Variants in ST6GAL1 observed in about 807,000 individuals in gnomAD.
ST6GAL1 encodes the protein beta-galactoside alpha-2,6-sialyltransferase 1.
A neutral mutation model predicts 38.0 loss-of-function variants in ST6GAL1; 20 were observed. The observed-to-expected ratio is 0.53, with a 90% confidence interval of 0.37 to 0.77. The LOEUF (loss-of-function observed/expected upper bound fraction) is 0.77, where lower values mean the gene tolerates loss of function less well. ST6GAL1 is among the 30% of genes least tolerant of loss of function. The pLI is 0.00. For synonymous variants in ST6GAL1, 196 were observed against 188.2 expected (o/e 1.04, Z -0.34); for missense variants, 432 against 496.4 (o/e 0.87, Z 1.23).
chr3:187,016,467 G>A (rs961805432), intron 2 of ST6GAL1, among the ~76,000 whole-genome samples: 20 of 152,184 alleles, frequency 1.3e-4, no homozygotes, highest in African/African-American at 4.8e-4. Context: ...TGCAGGATCT[G>A]AGAAGCTTCC....
chr3:187,022,831 G>C (rs556844621), intron 2 of ST6GAL1, among the ~76,000 whole-genome samples: 1 of 152,280 alleles, frequency 6.6e-6, no homozygotes, highest in African/African-American at 2.4e-5. Flanking sequence ...AGGTTGGAGA[G>C]TAAGCCACAT....
chr3:187,047,005 G>A (rs769799785), intron 4 of ST6GAL1, among the ~76,000 whole-genome samples: 28 of 152,284 alleles, frequency 1.8e-4, no homozygotes, highest in Middle Eastern at 6.8e-3. Context: ...GAGTGCAGTG[G>A]CATGATCTCG....
chr3:186,933,917 A>G (rs34180584), intron 1 of ST6GAL1, among the ~76,000 whole-genome samples: 33,810 of 152,170 alleles, frequency 0.22, 4,121 homozygotes, highest in Non-Finnish European at 0.29. Context: ...GAATAGTGCA[A>G]TTATCTCTGG....
intron 1 of ST6GAL1, among the ~76,000 whole-genome samples, chr3:186,934,746 T>TTTATTTA (rs1560133275): frequency 4.0e-5 from 6 of 150,296 alleles, no homozygotes; most frequent in Admixed American, 6.6e-5. Flanking sequence ...TTTTAAAAAA[T>TTTATTTA]TTTATTTATT....
At position 186,969,380 on chromosome 3, in the gene ST6GAL1, G is replaced by C. The variant is rs531637166; in HGVS notation, c.-183+5454G>C. On this transcript the variant is annotated intron_variant, in intron 2 of 7. Transcript: ENST00000169298. The stretch of plus-strand genomic sequence containing the variant: ...TCTTTTTCATTTTAATAGGTGTATG[G>C]TGATATCTCATTGTGTTTTTTTGTG... 2.6e-5 allele frequency among the ~76,000 whole-genome samples: 4 copies of C among 152,258 alleles called. No individual in the cohort carries two copies. In the East Asian group the frequency reaches 5.8e-4, roughly 22 times the overall value.
At chr3:186,980,603 C>CAAAAAAAAAAAAAA (rs34503745) in intron 2 of ST6GAL1, among the ~76,000 whole-genome samples, 1 of 92,170 alleles carries the variant, frequency 1.1e-5, no homozygotes, top group Non-Finnish European at 2.1e-5. Context: ...ACTAAAATTA[C>CAAAAAAAAAAAAAA]AAAAAAAAAA....
At chr3:187,023,916 A>T (rs138191286) in intron 2 of ST6GAL1, among the ~76,000 whole-genome samples, 1 of 151,582 alleles carries the variant, frequency 6.6e-6, no homozygotes, top group East Asian at 1.9e-4. Context: ...GAATGAACCT[A>T]TCGCATGAGT....
intron 2 of ST6GAL1, among the ~76,000 whole-genome samples, chr3:186,967,895 G>C (rs574683462): frequency 1.3e-5 from 2 of 152,214 alleles, no homozygotes; most frequent in Non-Finnish European, 1.5e-5. Flanking sequence ...CTGGGGAGCC[G>C]GCACAGCCCA....
chr3:186,932,919 C>G (rs986923607), intron 1 of ST6GAL1, among the ~76,000 whole-genome samples: 5 of 152,166 alleles, frequency 3.3e-5, no homozygotes, highest in African/African-American at 9.7e-5. Context: ...TGTTTCTTTT[C>G]CTTAGAGTTT....
intron 2 of ST6GAL1, among the ~76,000 whole-genome samples, chr3:187,016,236 C>T (rs1717111913): frequency 6.6e-6 from 1 of 152,216 alleles, no homozygotes; most frequent in Non-Finnish European, 1.5e-5. Context: ...CAAGCCCCCG[C>T]GGTGGATGCC....
intron 2 of ST6GAL1, among the ~76,000 whole-genome samples, chr3:187,011,212 C>A (rs4686832): frequency 6.6e-6 from 1 of 151,522 alleles, no homozygotes; most frequent in South Asian, 2.1e-4. Context: ...TTGGCCAGGC[C>A]GGTCTCGAAC....
chr3:186,936,976 C>T (rs1242415768), intron 1 of ST6GAL1, among the ~76,000 whole-genome samples: 3 of 148,560 alleles, frequency 2.0e-5, no homozygotes, highest in Admixed American at 6.7e-5. Context: ...AAAGCTTGAC[C>T]ATTGAGGATA....
In ST6GAL1 at chr3:186,990,921, C is replaced by T. The variant is rs541704388; in HGVS notation, c.-183+26995C>T. Among the ~76,000 whole-genome samples, 5 of 152,208 alleles carry T rather than the reference C, an allele frequency of 3.3e-5. No homozygotes were observed. The South Asian group carries it at 6.2e-4, about 19-fold the overall frequency. On this transcript the variant is annotated intron_variant, in intron 2 of 7. Coordinates refer to ENST00000169298, the MANE Select transcript of ST6GAL1 (RefSeq NM_173216.2). The stretch of plus-strand genomic sequence containing the variant: ...CTCCTCACTCCCTCTCATGCTTGTC[C>T]GCCTCCCCACCTCCTCCACCCCTGC...
chr3:187,065,922 A>C (rs2108598252), intron 5 of ST6GAL1, among the ~76,000 whole-genome samples: 1 of 152,298 alleles, frequency 6.6e-6, no homozygotes, highest in East Asian at 1.9e-4. Flanking sequence ...AGGCTCCCAG[A>C]GTTTAAGTTG....
intron 1 of ST6GAL1, among the ~76,000 whole-genome samples, chr3:186,945,391 G>A (rs966019160): frequency 6.6e-6 from 1 of 151,954 alleles, no homozygotes; most frequent in Non-Finnish European, 1.5e-5. Context: ...AAATTACTTT[G>A]CAAGTATGTC....
intron 2 of ST6GAL1, chr3:187,024,710 T>C (rs753826044): frequency 1.3e-5 from 2 of 151,806 alleles, no homozygotes; most frequent in Non-Finnish European, 2.9e-5. Flanking sequence ...ACAGGAGAAA[T>C]GACTTCATTT....
chr3:187,043,418 G>C, intron 4 of ST6GAL1, 108 bp downstream of exon 4: 1 of 1,483,416 alleles, frequency 6.7e-7, no homozygotes, highest in East Asian at 2.3e-5. Flanking sequence ...GACCAGTGGA[G>C]TGGGCCCAGG....
chr3:186,960,532 G>T (rs1271710827), intron 1 of ST6GAL1, among the ~76,000 whole-genome samples: 1 of 152,118 alleles, frequency 6.6e-6, no homozygotes, highest in Non-Finnish European at 1.5e-5. Flanking sequence ...AGAGCGTTAT[G>T]AATTAAGTGG....
intron 2 of ST6GAL1, among the ~76,000 whole-genome samples, chr3:187,021,357 G>A (rs925172336): frequency 6.6e-6 from 1 of 152,208 alleles, no homozygotes; most frequent in African/African-American, 2.4e-5. Flanking sequence ...TTCAGGGACA[G>A]GCCCTAAGAA....
Sources: allele counts gnomAD v4.1 joint callset (sites outside exome capture counted in the v4.1 genomes callset), GRCh38; gene constraint gnomAD v4.1.1; transcripts MANE v1.5; gene names NCBI Gene and HGNC (gene_info 2026-07-23, HGNC 2026-07-21).